ATP10B: variants seen among roughly 807,000 people sequenced by gnomAD.
ATP10B encodes the protein phospholipid-transporting ATPase VB.
Under a neutral mutation model 141.2 loss-of-function variants are expected in ATP10B, and 122 were observed. That is an observed-to-expected ratio of 0.86 (90% confidence interval 0.75 to 1.00). The LOEUF is 1.00. Among genes scored for constraint, ATP10B ranks in the 50% least tolerant of loss-of-function variants. ATP10B has a pLI of 0.00. For synonymous variants in ATP10B, 685 were observed against 692.0 expected, an observed-to-expected ratio of 0.99 and a Z score of 0.16; for missense variants, 1,876 against 1,825.3, an observed-to-expected ratio of 1.03 and a Z score of -0.51.
At position 160,580,942 on chromosome 5, in the gene ATP10B, G is replaced by T. The variant is rs779601352; in HGVS notation, c.3750+8650C>A. On this transcript the variant is annotated intron_variant, in intron 24 of 25. Transcript: ENST00000327245. ...TTCTTCTTGATTTTCCAGTACATTT[G>T]TGTAGAGGTGTTTATAGTATTCTCT... is the stretch of plus-strand genomic sequence containing the variant. Among the ~76,000 whole-genome samples, 4 of 152,292 alleles carry T rather than the reference G, an allele frequency of 2.6e-5. No homozygotes were observed. The South Asian group carries it at 8.3e-4, about 32-fold the overall frequency.
At chr5:160,832,467 A>G (rs1357798869) in intron 1 of ATP10B, among the ~76,000 whole-genome samples, 1 of 152,162 alleles carries the variant, frequency 6.6e-6, no homozygotes, top group Non-Finnish European at 1.5e-5. Context: ...TAGAGAGAGT[A>G]TATAGCAAGG....
At chr5:160,678,814 A>G (rs958792551) in intron 6 of ATP10B, among the ~76,000 whole-genome samples, 1 of 152,224 alleles carries the variant, frequency 6.6e-6, no homozygotes, top group South Asian at 2.1e-4. Context: ...GTGACCAAGT[A>G]TCTGCATAGG....
chr5:160,653,683 T>C (rs13171660), intron 7 of ATP10B, among the ~76,000 whole-genome samples: 2 of 124,522 alleles, frequency 1.6e-5, no homozygotes, highest in Admixed American at 1.9e-4. Flanking sequence ...TATATATACA[T>C]ATATACATAT....
chr5:160,663,557 C>A (rs920547339), intron 7 of ATP10B, among the ~76,000 whole-genome samples: 4 of 152,076 alleles, frequency 2.6e-5, no homozygotes, highest in African/African-American at 7.2e-5. Flanking sequence ...CCAAACACCG[C>A]ATGTTCTCAC....
rs114409169 is a variant in ATP10B, at chr5:160,577,784, G to C, written c.3751-8101C>G. On this transcript the variant is annotated intron_variant, in intron 24 of 25. Transcript: ENST00000327245. ...TTTCTAATTTAAATAACTTGTCAGA[G>C]AACATAAACTTTATGATTTTTTTTT... Among the ~76,000 whole-genome samples the C allele has an allele frequency of 4.0e-3, 605 of 152,074 alleles. 1 individual carries two copies. Among genetic ancestry groups the C allele is most frequent in the African/African-American group, 0.014 (569 of 41,486 alleles).
chr5:160,869,044 G>C, the ATP10B span, among the ~76,000 whole-genome samples: 1 of 152,096 alleles, frequency 6.6e-6, no homozygotes, highest in Non-Finnish European at 1.5e-5. Context: ...ACCTTTGAAA[G>C]CTACTTTATC....
chr5:160,621,598 T>C lies in ATP10B; in HGVS notation c.1813-648A>G, dbSNP rs189006098. 1.2e-3 allele frequency among the ~76,000 whole-genome samples: 190 copies of C among 152,360 alleles called. 1 individual carries two copies. The highest frequency in any genetic ancestry group is 2.2e-3 in the Non-Finnish European group (150 of 68,038). ...TGATAACATGCTGACTTTTCAGTGC[T>C]GAAGTGATTTTCAGGGTGGTTTGGA... On this transcript the variant is annotated intron_variant, in intron 14 of 25. Transcript: ENST00000327245.
At chr5:160,813,807 G>A (rs1237056560) in intron 1 of ATP10B, among the ~76,000 whole-genome samples, 1 of 152,190 alleles carries the variant, frequency 6.6e-6, no homozygotes, top group Non-Finnish European at 1.5e-5. Flanking sequence ...TGATCAGGAA[G>A]CAACATTTGC....
At chr5:160,872,912 C>T in the ATP10B span, among the ~76,000 whole-genome samples, 92 of 151,916 alleles carry the variant, frequency 6.1e-4, no homozygotes, top group African/African-American at 2.0e-3. Context: ...CTGTGAAGAA[C>T]GACGGTGGTA....
chr5:160,762,841 CATAAA>C (rs142465909), intron 2 of ATP10B, among the ~76,000 whole-genome samples: 10,978 of 152,058 alleles, frequency 0.072, 372 homozygotes, highest in Middle Eastern at 0.099. Flanking sequence ...TGAAGACTCA[CATAAA>C]CTTAAGATAA....
chr5:160,726,787 C>A (rs1766399679), intron 2 of ATP10B, among the ~76,000 whole-genome samples: 1 of 151,862 alleles, frequency 6.6e-6, no homozygotes, highest in Admixed American at 6.6e-5. Context: ...CTGGAAACTG[C>A]TCAGGGCAAA....
intron 2 of ATP10B, among the ~76,000 whole-genome samples, chr5:160,759,721 T>A (rs1411949181): frequency 6.6e-6 from 1 of 152,232 alleles, no homozygotes; most frequent in East Asian, 1.9e-4. Flanking sequence ...GCATGCCTTT[T>A]CACCTTCCTC....
intron 1 of ATP10B, among the ~76,000 whole-genome samples, chr5:160,812,815 G>A (rs1229219885): frequency 2.0e-5 from 3 of 152,200 alleles, no homozygotes; most frequent in African/African-American, 7.2e-5. Flanking sequence ...AAAAGTGATA[G>A]AGGAAGAGAT....
intron 14 of ATP10B, among the ~76,000 whole-genome samples, chr5:160,622,035 T>C (rs906059651): frequency 2.6e-5 from 4 of 152,202 alleles, no homozygotes; most frequent in African/African-American, 9.6e-5. Context: ...TCCTGCCTCA[T>C]AGAGTTGCTG....
At chr5:160,752,925 T>C (rs565895829) in intron 2 of ATP10B, among the ~76,000 whole-genome samples, 1 of 152,282 alleles carries the variant, frequency 6.6e-6, no homozygotes, top group Admixed American at 6.5e-5. Context: ...CTAGCTTCAT[T>C]TTTTAACCTA....
At chr5:160,819,156 A>T (rs1773914670) in intron 1 of ATP10B, among the ~76,000 whole-genome samples, 1 of 152,206 alleles carries the variant, frequency 6.6e-6, no homozygotes, top group African/African-American at 2.4e-5. Context: ...AATAAAAATA[A>T]AAGAAGGAAT....
chr5:160,923,611 GC>G, the ATP10B span, among the ~76,000 whole-genome samples: 2 of 152,298 alleles, frequency 1.3e-5, no homozygotes, highest in Admixed American at 6.5e-5. Flanking sequence ...TGATGTCCAA[GC>G]TTTAACTAGA....
chr5:160,873,079 G>T, the ATP10B span, among the ~76,000 whole-genome samples: 1 of 148,932 alleles, frequency 6.7e-6, no homozygotes, highest in African/African-American at 2.5e-5. Context: ...TTCTTGTAGC[G>T]GTCTTTTGTC....
chr5:160,629,042 G>A (rs1758767689), intron 13 of ATP10B, among the ~76,000 whole-genome samples: 1 of 152,124 alleles, frequency 6.6e-6, no homozygotes, highest in Non-Finnish European at 1.5e-5. Flanking sequence ...TTCTTTAGAA[G>A]GTGGTAGAAT....
Sources: allele counts gnomAD v4.1 joint callset (sites outside exome capture counted in the v4.1 genomes callset), GRCh38; gene constraint gnomAD v4.1.1; transcripts MANE v1.5; gene names NCBI Gene and HGNC (gene_info 2026-07-23, HGNC 2026-07-21).